The following UMAD1 variants were observed in gnomAD, a reference collection of about 807,000 sequenced individuals.
UMAD1 encodes the protein UBAP1-MVB12-associated (UMA) domain containing 1, also known as UBAP1-MVB12-associated (UMA)-domain containing protein 1.
In UMAD1, 8 loss-of-function variants were observed where a neutral mutation model predicts 6.1. The ratio of observed to expected loss-of-function variants is 1.30; its 90% CI spans 0.76 to 2.35. The LOEUF (loss-of-function observed/expected upper bound fraction) is 2.35, where lower values mean the gene tolerates loss of function less well. Among genes scored for constraint, UMAD1 ranks in the 30% most tolerant of loss-of-function variants. UMAD1 has a pLI of 0.00. For synonymous variants in UMAD1, 56 were observed against 31.4 expected (o/e 1.78, Z -2.61); for missense variants, 130 against 78.4 (o/e 1.66, Z -2.49).
intron 2 of UMAD1, among the ~76,000 whole-genome samples, chr7:7,745,692 A>T (rs946569038): frequency 6.6e-6 from 1 of 152,204 alleles, no homozygotes; most frequent in African/African-American, 2.4e-5. Flanking sequence ...ATTAACTTGC[A>T]GATCATAGAA....
intron 2 of UMAD1, among the ~76,000 whole-genome samples, chr7:7,745,416 T>G (rs717297): frequency 0.25 from 38,127 of 151,982 alleles, 5,836 homozygotes; most frequent in African/African-American, 0.43. Flanking sequence ...TTACGGGGTG[T>G]GCCTATCATT....
At chr7:7,649,015 A>G (rs945225390) in intron 1 of UMAD1, among the ~76,000 whole-genome samples, 1 of 152,040 alleles carries the variant, frequency 6.6e-6, no homozygotes, top group African/African-American at 2.4e-5. Context: ...AAAATTAGCC[A>G]GGCATGGTGG....
At chr7:7,687,714 AAAT>A (rs1357889994) in intron 2 of UMAD1, among the ~76,000 whole-genome samples, 1 of 152,234 alleles carries the variant, frequency 6.6e-6, no homozygotes, top group African/African-American at 2.4e-5. Flanking sequence ...TTTCCATCAA[AAAT>A]GATATGTACT....
chr7:7,817,823 C>T (rs1411515257), intron 3 of UMAD1, among the ~76,000 whole-genome samples: 7 of 152,082 alleles, frequency 4.6e-5, no homozygotes, highest in African/African-American at 1.4e-4. Flanking sequence ...CCCCCACCCC[C>T]TTTTCTTTGA....
At chr7:7,787,440 A>G (rs114389220) in intron 2 of UMAD1, among the ~76,000 whole-genome samples, 2,956 of 152,300 alleles carry the variant, frequency 0.019, 89 homozygotes, top group African/African-American at 0.067. Context: ...ACTGCTTTGA[A>G]AATATAGGTG....
chr7:7,663,051 CTTA>C (rs1785513756), intron 1 of UMAD1, among the ~76,000 whole-genome samples: 2 of 151,976 alleles, frequency 1.3e-5, no homozygotes, highest in African/African-American at 4.8e-5. Flanking sequence ...AAATAGATTT[CTTA>C]TTATAACCCA....
intron 2 of UMAD1, among the ~76,000 whole-genome samples, chr7:7,690,952 A>T (rs1303879885): frequency 1.8e-4 from 27 of 152,196 alleles, no homozygotes; most frequent in Admixed American, 1.8e-3. Context: ...AATGTTTTTT[A>T]TCCCCTAAAG....
intron 2 of UMAD1, among the ~76,000 whole-genome samples, chr7:7,766,421 C>T (rs752642013): frequency 1.2e-3 from 188 of 152,188 alleles, no homozygotes; most frequent in Non-Finnish European, 1.6e-3. Flanking sequence ...AATAGGTCCT[C>T]GTGTAGTTTA....
intron 2 of UMAD1, among the ~76,000 whole-genome samples, chr7:7,764,594 A>G (rs887851753): frequency 6.6e-6 from 1 of 152,200 alleles, no homozygotes; most frequent in Non-Finnish European, 1.5e-5. Context: ...TGGGAGCTGG[A>G]TCACTTGAGG....
intron 2 of UMAD1, among the ~76,000 whole-genome samples, chr7:7,687,856 A>G (rs1780076681): frequency 2.6e-5 from 4 of 152,338 alleles, no homozygotes; most frequent in Middle Eastern, 3.4e-3. Context: ...TTCTAAGTCA[A>G]ATAACTAAGC....
In UMAD1 at chr7:7,749,502, A is replaced by G. The variant is rs536937932; in HGVS notation, c.83-52168A>G. On this transcript the variant is annotated intron_variant, in intron 2 of 3. Transcript: ENST00000682710. ...TGGGTAAGCGTTTTTTTCATGGCTTATAGAATATTTAGCAATTTTAGCTTC... is the reference window on the plus strand; with the variant it reads ...TGGGTAAGCGTTTTTTTCATGGCTTGTAGAATATTTAGCAATTTTAGCTTC... 1.1e-4 allele frequency among the ~76,000 whole-genome samples: 17 copies of G among 152,296 alleles called. No individual in the cohort carries two copies. The South Asian group carries it at 3.1e-3, about 28-fold the overall frequency.
At chr7:7,679,667 T>G (rs1026381705) in intron 2 of UMAD1, among the ~76,000 whole-genome samples, 1 of 119,068 alleles carries the variant, frequency 8.4e-6, no homozygotes, top group African/African-American at 3.4e-5. Context: ...TTTATATATT[T>G]AATTTATAGA....
At chr7:7,647,481 G>A (rs1435287038) in intron 1 of UMAD1, among the ~76,000 whole-genome samples, 2 of 152,134 alleles carry the variant, frequency 1.3e-5, no homozygotes, top group Non-Finnish European at 2.9e-5. Flanking sequence ...TGTGTAAATT[G>A]CACTGTTCAC....
intron 2 of UMAD1, among the ~76,000 whole-genome samples, chr7:7,683,200 C>T (rs972539003): frequency 1.3e-5 from 2 of 152,070 alleles, no homozygotes; most frequent in African/African-American, 2.4e-5. Flanking sequence ...TTGACTCAAA[C>T]GTAAATTAGG....
intron 2 of UMAD1, chr7:7,742,667 C>T (rs1781495490): frequency 3.6e-6 from 1 of 278,088 alleles, no homozygotes; most frequent in Admixed American, 4.5e-5. Context: ...TCATGATTGC[C>T]AACTAAGAAT....
intron 2 of UMAD1, among the ~76,000 whole-genome samples, chr7:7,762,023 A>G (rs1008287179): frequency 2.0e-5 from 3 of 152,120 alleles, no homozygotes; most frequent in Non-Finnish European, 4.4e-5. Flanking sequence ...TTTTCAGGAG[A>G]CTGATTCATA....
At chr7:7,693,664 C>T (rs144514178) in intron 2 of UMAD1, among the ~76,000 whole-genome samples, 37 of 152,090 alleles carry the variant, frequency 2.4e-4, no homozygotes, top group Middle Eastern at 3.4e-3. Flanking sequence ...TAGTGGATTG[C>T]ACAAATTTAT....
At chr7:7,650,346 C>G (rs1785196956) in intron 1 of UMAD1, among the ~76,000 whole-genome samples, 1 of 152,124 alleles carries the variant, frequency 6.6e-6, no homozygotes, top group Non-Finnish European at 1.5e-5. Context: ...GTGTTTATTT[C>G]ATTCGAGTTC....
At chr7:7,782,088 A>C (rs1310019232) in intron 2 of UMAD1, among the ~76,000 whole-genome samples, 1 of 152,102 alleles carries the variant, frequency 6.6e-6, no homozygotes, top group Non-Finnish European at 1.5e-5. Flanking sequence ...TTTACCCATT[A>C]TACTACTCTA....
Sources: gnomAD v4.1 joint callset for allele counts (sites outside exome capture counted in the v4.1 genomes callset) on GRCh38, gnomAD v4.1.1 for gene constraint, MANE v1.5 for transcripts, NCBI Gene and HGNC (gene_info 2026-07-23, HGNC 2026-07-21) for gene names.